The following SNHG17 variants were observed in gnomAD, a reference collection of about 807,000 sequenced individuals.
SNHG17 encodes the protein small nucleolar RNA host gene 17, also known as small nucleolar RNA host gene 17 (non-protein coding).
At chr20:38,421,591 T>A (rs1458418846) in intron 6 of SNHG17, 1 of 133,230 alleles carries the variant, frequency 7.5e-6, no homozygotes, top group Non-Finnish European at 1.8e-5. Context: ...AGTCACCACA[T>A]CACATGGGCC....
intron 5 of SNHG17, chr20:38,425,135 A>C (rs1277928740): frequency 2.0e-6 from 1 of 494,262 alleles, no homozygotes; most frequent in African/African-American, 1.9e-5. Flanking sequence ...CTAATGAGGT[A>C]AACAGGGGTC....
At chr20:38,423,807 T>C (rs1192014482) in intron 5 of SNHG17, among the ~76,000 whole-genome samples, 1 of 152,220 alleles carries the variant, frequency 6.6e-6, no homozygotes, top group Non-Finnish European at 1.5e-5. Flanking sequence ...TAGTAACCAC[T>C]GTGCTATCTA....
exon 8 of SNHG17, chr20:38,420,684 G>A (rs1332484761): frequency 6.6e-6 from 1 of 152,214 alleles, no homozygotes; most frequent in Non-Finnish European, 1.5e-5. Flanking sequence ...AGTCATTCCA[G>A]GCATGGACAG....
intron 2 of SNHG17, chr20:38,432,288 T>C (rs983389925): frequency 2.3e-6 from 1 of 433,204 alleles, no homozygotes; most frequent in Non-Finnish European, 3.1e-6. Flanking sequence ...TCTCATCTTA[T>C]GCACATATTG....
At chr20:38,433,613 T>C (rs2084374257) in intron 2 of SNHG17, among the ~76,000 whole-genome samples, 1 of 152,044 alleles carries the variant, frequency 6.6e-6, no homozygotes, top group Non-Finnish European at 1.5e-5. Context: ...CAATAAAATA[T>C]TAAACAAAAC....
At chr20:38,424,378 C>T (rs1374020913) in intron 5 of SNHG17, among the ~76,000 whole-genome samples, 4 of 151,986 alleles carry the variant, frequency 2.6e-5, no homozygotes, top group Non-Finnish European at 5.9e-5. Context: ...CCGATTACTA[C>T]TCTAGCCCTT....
intron 2 of SNHG17, among the ~76,000 whole-genome samples, chr20:38,431,719 G>A (rs1266546256): frequency 2.0e-5 from 3 of 152,172 alleles, no homozygotes; most frequent in African/African-American, 7.2e-5. Context: ...AAGCGTTTGG[G>A]ACCAAGGTAC....
At chr20:38,425,354 T>C (rs1003276139) in intron 5 of SNHG17, 9 of 516,852 alleles carry the variant, frequency 1.7e-5, no homozygotes, top group African/African-American at 1.2e-4. Context: ...AGTGAGTGAG[T>C]TGAGAGGGGA....
exon 6 of SNHG17, chr20:38,422,230 C>G (rs958519976): frequency 6.6e-6 from 1 of 152,392 alleles, no homozygotes; most frequent in Non-Finnish European, 1.5e-5. Flanking sequence ...GCCCCAGGAA[C>G]AGCACATGAC....
chr20:38,422,590 A>G (rs779651039), intron 5 of SNHG17, among the ~76,000 whole-genome samples: 2 of 152,186 alleles, frequency 1.3e-5, no homozygotes, highest in Non-Finnish European at 2.9e-5. Flanking sequence ...ACATAGACCC[A>G]GCTATCCCTC....
At chr20:38,433,963 G>C in intron 2 of SNHG17, 1 of 519,166 alleles carries the variant, frequency 1.9e-6, no homozygotes, top group Non-Finnish European at 3.8e-6. Context: ...CAATGACCAG[G>C]GCACAGGCAG....
intron 5 of SNHG17, among the ~76,000 whole-genome samples, chr20:38,424,105 G>C (rs1190500435): frequency 6.6e-6 from 1 of 151,912 alleles, no homozygotes; most frequent in Non-Finnish European, 1.5e-5. Flanking sequence ...AGGAGGCAGA[G>C]GCTGCAGTGA....
exon 6 of SNHG17, chr20:38,422,180 C>CG (rs1367897326): frequency 1.3e-5 from 2 of 152,320 alleles, no homozygotes; most frequent in African/African-American, 4.8e-5. Context: ...CGTGGAACCA[C>CG]GGGATACCAC....
At chr20:38,425,446 A>G in intron 5 of SNHG17, 1 of 418,476 alleles carries the variant, frequency 2.4e-6, no homozygotes, top group Non-Finnish European at 4.8e-6. Flanking sequence ...CTAGAATTGC[A>G]GCAGCTGCTT....
chr20:38,427,291 C>T (rs763501603), intron 3 of SNHG17: 1 of 490,046 alleles, frequency 2.0e-6, no homozygotes, highest in Non-Finnish European at 4.1e-6. Context: ...CAAGGGCTGG[C>T]AGGAGAGCAA....
intron 2 of SNHG17, chr20:38,432,193 G>A (rs569068809): frequency 7.4e-4 from 728 of 985,168 alleles, no homozygotes; most frequent in Non-Finnish European, 8.1e-4. Flanking sequence ...TTTCCTAAAA[G>A]TTGGCTAGTG....
intron 2 of SNHG17, chr20:38,432,027 C>G (rs2084348926): frequency 2.0e-6 from 2 of 985,412 alleles, no homozygotes; most frequent in Non-Finnish European, 1.2e-6. Context: ...TGCTTCCTGG[C>G]AGGGTGGAGA....
chr20:38,433,505 G>A (rs67267211), intron 2 of SNHG17, among the ~76,000 whole-genome samples: 15 of 152,132 alleles, frequency 9.9e-5, no homozygotes, highest in African/African-American at 2.2e-4. Flanking sequence ...GCTGAGGTGC[G>A]AGGATCACTT....
At chr20:38,422,391 T>C (rs1279229289) in intron 5 of SNHG17, 2 of 152,182 alleles carry the variant, frequency 1.3e-5, no homozygotes, top group African/African-American at 2.4e-5. Context: ...CAGAGAACAC[T>C]TAACGCAGGG....
Sources: gnomAD v4.1 joint callset for allele counts (sites outside exome capture counted in the v4.1 genomes callset) on GRCh38, gnomAD v4.1.1 for gene constraint, MANE v1.5 for transcripts, NCBI Gene and HGNC (gene_info 2026-07-23, HGNC 2026-07-21) for gene names.